The following MACROD2 variants were observed in gnomAD, a reference collection of about 807,000 sequenced individuals.
The protein encoded by MACROD2 is mono-ADP ribosylhydrolase 2.
In MACROD2, 36 loss-of-function variants were observed where a neutral mutation model predicts 70.4. That is an observed-to-expected ratio of 0.51 (90% CI 0.39 to 0.68). MACROD2 has a LOEUF of 0.68. Ranked by LOEUF, MACROD2 falls within the 30% of genes least tolerant of loss-of-function variation. MACROD2 has a pLI of 0.00. For missense variants in MACROD2, 496 were observed against 538.4 expected (o/e 0.92, Z 0.78); for synonymous variants, 172 against 178.8 (o/e 0.96, Z 0.30).
chr20:15,066,381 A>G (rs1311057827), intron 5 of MACROD2, among the ~76,000 whole-genome samples: 1 of 151,352 alleles, frequency 6.6e-6, no homozygotes, highest in Non-Finnish European at 1.5e-5. Context: ...TGATCTGCCC[A>G]CCTCGGCCTC....
chr20:14,833,120 C>A (rs533478467), intron 5 of MACROD2, among the ~76,000 whole-genome samples: 1 of 152,128 alleles, frequency 6.6e-6, no homozygotes, highest in African/African-American at 2.4e-5. Flanking sequence ...TTTTAGTTAA[C>A]GTAAGTGTAA....
intron 8 of MACROD2, among the ~76,000 whole-genome samples, chr20:15,641,516 A>G (rs2049460042): frequency 6.6e-6 from 1 of 152,216 alleles, no homozygotes; most frequent in Non-Finnish European, 1.5e-5. Context: ...CCAGAGAGAC[A>G]AGCTTTTTTG....
chr20:15,012,456 G>A (rs1290826567), intron 5 of MACROD2, among the ~76,000 whole-genome samples: 1 of 152,092 alleles, frequency 6.6e-6, no homozygotes, highest in Non-Finnish European at 1.5e-5. Flanking sequence ...ATAATGTGGG[G>A]GTCCAAGCCT....
chr20:15,547,498 C>T (rs1237021006), intron 8 of MACROD2, among the ~76,000 whole-genome samples: 1 of 152,176 alleles, frequency 6.6e-6, no homozygotes, highest in Non-Finnish European at 1.5e-5. Context: ...AACTGGAAGA[C>T]TAGCCCAGTT....
chr20:14,009,828 A>G (rs2052875959), intron 2 of MACROD2, among the ~76,000 whole-genome samples: 2 of 152,206 alleles, frequency 1.3e-5, no homozygotes, highest in Admixed American at 6.5e-5. Flanking sequence ...AGGGACCCGG[A>G]TGGAGCTGGA....
intron 6 of MACROD2, among the ~76,000 whole-genome samples, chr20:15,413,893 A>G (rs1441939900): frequency 6.6e-6 from 1 of 152,134 alleles, no homozygotes; most frequent in African/African-American, 2.4e-5. Context: ...CTCACACAGA[A>G]AAGCACCTGA....
intron 4 of MACROD2, among the ~76,000 whole-genome samples, chr20:14,530,751 TA>T (rs2085293135): frequency 6.6e-6 from 1 of 152,242 alleles, no homozygotes; most frequent in African/African-American, 2.4e-5. Flanking sequence ...TAATTTATCT[TA>T]AATTTTTAAG....
chr20:15,287,307 G>A (rs2077500910), intron 6 of MACROD2, among the ~76,000 whole-genome samples: 1 of 152,204 alleles, frequency 6.6e-6, no homozygotes, highest in Non-Finnish European at 1.5e-5. Flanking sequence ...TGAACAAAAT[G>A]TAAATGTCAT....
chr20:14,645,639 G>A (rs973382489), intron 4 of MACROD2, among the ~76,000 whole-genome samples: 3 of 151,842 alleles, frequency 2.0e-5, no homozygotes, highest in African/African-American at 7.3e-5. Context: ...CTAGAGCATC[G>A]CCATAATGTA....
chr20:14,333,601 T>A (rs1165327061), intron 3 of MACROD2, among the ~76,000 whole-genome samples: 2 of 152,156 alleles, frequency 1.3e-5, no homozygotes, highest in Non-Finnish European at 2.9e-5. Flanking sequence ...TAAACCACGT[T>A]TTACCATTGC....
At chr20:14,936,443 G>A (rs894669604) in intron 5 of MACROD2, among the ~76,000 whole-genome samples, 2 of 152,226 alleles carry the variant, frequency 1.3e-5, no homozygotes, top group African/African-American at 2.4e-5. Flanking sequence ...TGCTGAAAAT[G>A]TTTCTATGTC....
intron 3 of MACROD2, among the ~76,000 whole-genome samples, chr20:14,237,446 T>C (rs902714981): frequency 5.9e-5 from 9 of 151,872 alleles, no homozygotes; most frequent in African/African-American, 1.9e-4. Context: ...TTCTCTTTCA[T>C]AGTTTTTATC....
intron 5 of MACROD2, among the ~76,000 whole-genome samples, chr20:15,066,912 G>A (rs1026505441): frequency 4.0e-5 from 6 of 149,924 alleles, no homozygotes; most frequent in African/African-American, 7.3e-5. Context: ...TAAGTGCAGC[G>A]AACTACAGGC....
intron 5 of MACROD2, among the ~76,000 whole-genome samples, chr20:15,070,062 G>C (rs1276310431): frequency 1.3e-5 from 2 of 152,124 alleles, no homozygotes; most frequent in Non-Finnish European, 2.9e-5. Context: ...CAAAGCTACA[G>C]GGGCAGGGCT....
chr20:14,598,779 C>T (rs565701741), intron 4 of MACROD2, among the ~76,000 whole-genome samples: 1 of 152,258 alleles, frequency 6.6e-6, no homozygotes, highest in South Asian at 2.1e-4. Flanking sequence ...CTTCCTTTTG[C>T]CCTGCAATTT....
chr20:15,900,333 G>A (rs1383999822), intron 10 of MACROD2, among the ~76,000 whole-genome samples: 4 of 152,128 alleles, frequency 2.6e-5, no homozygotes, highest in South Asian at 4.1e-4. Context: ...AGCAAAATGT[G>A]TAAATTTCCA....
At chr20:15,307,408 C>G (rs1416643473) in intron 6 of MACROD2, among the ~76,000 whole-genome samples, 1 of 152,094 alleles carries the variant, frequency 6.6e-6, no homozygotes, top group Non-Finnish European at 1.5e-5. Flanking sequence ...GCAAATAATT[C>G]CCATTTCCAT....
rs60326109 is a variant in MACROD2 at position 14,991,921 on chromosome 20, A to G, written c.419-238019A>G. 8.7e-3 allele frequency among the ~76,000 whole-genome samples: 1,322 copies of G among 152,262 alleles called. 24 individuals are homozygous for G. The highest frequency in any genetic ancestry group is 0.051 in the Middle Eastern group (15 of 294). The stretch of plus-strand genomic sequence containing the variant: ...GTAACCATTCACCTATCATCCATCC[A>G]TCCAACTCTCCATCCATCCATCCAT... On this transcript the variant is annotated intron_variant, in intron 5 of 17. Coordinates refer to ENST00000684519, the MANE Select transcript of MACROD2 (RefSeq NM_001351661.2).
chr20:14,420,062 T>C (rs11696426), intron 3 of MACROD2, among the ~76,000 whole-genome samples: 2,041 of 152,024 alleles, frequency 0.013, 16 homozygotes, highest in Non-Finnish European at 0.023. Context: ...GAATTAGTCA[T>C]ATGGTATTTT....
Sources: gnomAD v4.1 joint callset for allele counts (sites outside exome capture counted in the v4.1 genomes callset) on GRCh38, gnomAD v4.1.1 for gene constraint, MANE v1.5 for transcripts, NCBI Gene and HGNC (gene_info 2026-07-23, HGNC 2026-07-21) for gene names.